Variants in PLB1 observed in about 807,000 individuals in gnomAD.
PLB1 encodes phospholipase B1.
PLB1 carries 242 observed loss-of-function variants against 227.4 expected under a neutral mutation model. The observed-to-expected ratio is 1.06, with a 90% CI of 0.96 to 1.18. The LOEUF (loss-of-function observed/expected upper bound fraction) is 1.18, where lower values mean the gene tolerates loss of function less well. Ranked by LOEUF, PLB1 falls within the 50% of genes most tolerant of loss-of-function variation. PLB1 has a pLI of 0.00. For synonymous variants in PLB1, 757 were observed against 682.2 expected (o/e 1.11, Z -1.71); for missense variants, 1,858 against 1,816.3 (o/e 1.02, Z -0.42).
intron 40 of PLB1, 43 bp from the exon 41 acceptor site, chr2:28,604,612 C>CCACCCAGGGCCTGGGCT (rs1487231875): frequency 5.1e-6 from 8 of 1,564,286 alleles, no homozygotes; most frequent in Non-Finnish European, 7.0e-6. Flanking sequence ...GGTCCTGGGC[C>CCACCCAGGGCCTGGGCT]CACCCAGGGC....
At position 28,592,751 on chromosome 2, in the gene PLB1, G is replaced by A. The variant is rs771166358; in HGVS notation, c.2247+32G>A. The A allele has an allele frequency of 3.1e-6, 5 of 1,606,686 alleles. 1 individual carries two copies. In the East Asian group the frequency reaches 8.9e-5, roughly 29 times the overall value. The stretch of plus-strand genomic sequence containing the variant: ...ACTCTTGGGCCCCAGGTGGTTTGGG[G>A]ATAACTAGGCCAGCTCCAGATCCCA... On this transcript the variant is annotated intron_variant, in intron 32 of 57. Coordinates refer to ENST00000327757, the MANE Select transcript of PLB1 (RefSeq NM_153021.5).
In PLB1 at chr2:28,581,496, AATAAATAAAT is replaced by A. The variant is rs1300787486; in HGVS notation, c.1567-570_1567-561del. ...AGAGCTCCACGCAAAAAAATAAATA[AATAAATAAAT>A]AAATAAATAAATAAATAAATAAATA... is the stretch of plus-strand genomic sequence containing the variant. On this transcript the variant is annotated intron_variant, in intron 23 of 57. Coordinates refer to ENST00000327757, the MANE Select transcript of PLB1 (RefSeq NM_153021.5). Among the ~76,000 whole-genome samples the A allele has an allele frequency of 2.0e-3, 162 of 79,778 alleles. 7 individuals carry two copies. Among genetic ancestry groups the A allele is most frequent in the African/African-American group, 6.2e-3 (105 of 16,846 alleles). The allele number at this position is 79,778 out of a possible 152,430, so 52.3% of individuals were successfully genotyped here.
rs115879446 is a variant in PLB1 at position 28,577,333 on chromosome 2, T to A, written c.1434-774T>A. The stretch of plus-strand genomic sequence containing the variant: ...CTGAGAATTTAAGTCACTTTCACAC[T>A]GTTAGCAAAAGGCACCTAAGTGTCC... On this transcript the variant is annotated intron_variant, in intron 21 of 57. Coordinates refer to ENST00000327757, the MANE Select transcript of PLB1 (RefSeq NM_153021.5). Among the ~76,000 whole-genome samples the A allele has an allele frequency of 4.5e-3, 685 of 152,344 alleles. 8 individuals are homozygous for A. The highest frequency in any genetic ancestry group is 0.015 in the African/African-American group (644 of 41,586).
At chr2:28,625,530 G>A (rs1687631625) in intron 50 of PLB1, among the ~76,000 whole-genome samples, 1 of 151,784 alleles carries the variant, frequency 6.6e-6, no homozygotes, top group Admixed American at 6.6e-5. Flanking sequence ...TAACCGTTCA[G>A]TGTTTATGCC....
chr2:28,596,209 A>C (rs1682887787), intron 33 of PLB1: 1 of 152,226 alleles, frequency 6.6e-6, no homozygotes, highest in Non-Finnish European at 1.5e-5. Flanking sequence ...TGTAACATAA[A>C]TTGAGTGTAA....
intron 33 of PLB1, chr2:28,594,287 G>A: frequency 3.9e-6 from 1 of 258,130 alleles, no homozygotes; most frequent in Non-Finnish European, 7.9e-6. Flanking sequence ...AAGAGGAAAG[G>A]GTGAGAAAGG....
At chr2:28,503,695 T>G (rs1454869098) in intron 1 of PLB1, among the ~76,000 whole-genome samples, 1 of 152,204 alleles carries the variant, frequency 6.6e-6, no homozygotes, top group African/African-American at 2.4e-5. Flanking sequence ...GTTCCCCTCC[T>G]TGGCCTTTGT....
intron 20 of PLB1, among the ~76,000 whole-genome samples, chr2:28,567,059 C>T (rs1011435530): frequency 2.1e-5 from 1 of 48,754 alleles, no homozygotes; most frequent in Non-Finnish European, 4.3e-5. Flanking sequence ...GCTTGGGGGC[C>T]GGGGGCGGGG....
At position 28,601,240 on chromosome 2, in the gene PLB1, C is replaced by G. The variant is rs764759711; in HGVS notation, c.2527-12C>G. 35 of 1,605,554 alleles carry G rather than the reference C, an allele frequency of 2.2e-5. No homozygotes were observed. In the Admixed American group the frequency reaches 5.2e-4, roughly 24 times the overall value. ...GTTGGAAATTATCAAGCATTTTCCT[C>G]CCTCCATATAGAGAGTAAATTTCCA... On this transcript the variant is annotated splice_polypyrimidine_tract_variant and intron_variant, in intron 36 of 57. Transcript: ENST00000327757.
chr2:28,541,712 C>T lies in PLB1; in HGVS notation c.780C>T (p.Ala260=), dbSNP rs537799569. The change falls in exon 13 of 58, where the codon GCC becomes GCT. Residue 260 remains alanine (A), a synonymous_variant. Transcript: ENST00000327757. The part of the protein sequence containing the change: ...KVVMQWSYQE[A]WNSLLASSRY... ...CTCTCTGCTCCCTTCTCCAGGAAGC[C>T]TGGAACAGCCTCCTGGCCTCCAGCA... 40 of 1,613,730 alleles carry T rather than the reference C, an allele frequency of 2.5e-5. No homozygotes were observed. In the South Asian group the frequency reaches 4.3e-4, roughly 17 times the overall value.
chr2:28,561,664 G>A (rs536634270), intron 17 of PLB1, among the ~76,000 whole-genome samples: 1 of 152,308 alleles, frequency 6.6e-6, no homozygotes, highest in South Asian at 2.1e-4. Flanking sequence ...GCTGAGGTGG[G>A]AGCATCACTT....
intron 1 of PLB1, among the ~76,000 whole-genome samples, chr2:28,510,968 A>G (rs1668187197): frequency 6.6e-6 from 1 of 151,882 alleles, no homozygotes. Flanking sequence ...AAGTATTTTT[A>G]TTGTTTAGGT....
intron 5 of PLB1, 41 bp from the exon 6 acceptor site, chr2:28,525,864 C>T (rs768433669): frequency 1.2e-6 from 2 of 1,611,374 alleles, no homozygotes; most frequent in Non-Finnish European, 1.7e-6. Flanking sequence ...GCAGGTGACA[C>T]AAATGCAGCC....
intron 54 of PLB1, 88 bp downstream of exon 54, chr2:28,630,752 G>A: frequency 8.9e-7 from 1 of 1,129,258 alleles, no homozygotes. Flanking sequence ...AGCAGGATGT[G>A]GCCAAGAGCA....
At position 28,629,736 on chromosome 2, in the gene PLB1, G is replaced by C. The variant is rs560228385; in HGVS notation, c.3818+551G>C. On this transcript the variant is annotated intron_variant, in intron 53 of 57. Coordinates refer to ENST00000327757, the MANE Select transcript of PLB1 (RefSeq NM_153021.5). ...AGGAAATAGCTCTTATTCCATCCTT[G>C]ATGGGGCCTGTCCTTGATAGCTGGG... is the stretch of plus-strand genomic sequence containing the variant. Among the ~76,000 whole-genome samples, 3 of 152,308 alleles carry C rather than the reference G, an allele frequency of 2.0e-5. No homozygotes were observed. In the East Asian group the frequency reaches 5.8e-4, roughly 29 times the overall value.
intron 56 of PLB1, 155 bp downstream of exon 56, chr2:28,633,194 A>T (rs1389090915): frequency 1.5e-5 from 9 of 600,880 alleles, no homozygotes; most frequent in South Asian, 2.1e-5. Flanking sequence ...ATTAATTCCA[A>T]AGGGAAAATA....
chr2:28,497,767 G>T (rs1346081306), intron 1 of PLB1, among the ~76,000 whole-genome samples: 13 of 151,150 alleles, frequency 8.6e-5, no homozygotes, highest in African/African-American at 2.9e-4. Flanking sequence ...CACCCAGGCT[G>T]GAGTGCAGTG....
intron 23 of PLB1, among the ~76,000 whole-genome samples, chr2:28,581,470 C>A (rs1679927958): frequency 1.5e-5 from 2 of 135,508 alleles, no homozygotes; most frequent in African/African-American, 3.0e-5. Context: ...GGAGTAGATC[C>A]AGAGCTCCAC....
chr2:28,618,607 A>G (rs1686539484), intron 46 of PLB1, among the ~76,000 whole-genome samples: 1 of 152,124 alleles, frequency 6.6e-6, no homozygotes. Context: ...CCCCTCGTCC[A>G]TGAGGCCTCC....
Sources: gnomAD v4.1 joint callset for allele counts (sites outside exome capture counted in the v4.1 genomes callset) on GRCh38, gnomAD v4.1.1 for gene constraint, MANE v1.5 for transcripts, NCBI Gene and HGNC (gene_info 2026-07-23, HGNC 2026-07-21) for gene names.